Variants in CKMT2 observed in about 807,000 individuals in gnomAD.
The protein encoded by CKMT2 is creatine kinase, mitochondrial 2.
In CKMT2, 43 loss-of-function variants were observed where a neutral mutation model predicts 48.9. The observed-to-expected ratio is 0.88, with a 90% CI of 0.69 to 1.13. The LOEUF (loss-of-function observed/expected upper bound fraction) is 1.13. CKMT2 is among the 50% of genes most tolerant of loss of function. The pLI is 0.00. For missense variants in CKMT2, 472 were observed against 555.4 expected (o/e 0.85, Z 1.51); for synonymous variants, 206 against 213.0 (o/e 0.97, Z 0.29).
At chr5:81,263,331 T>C (rs2112828524) in intron 8 of CKMT2, among the ~76,000 whole-genome samples, 160 bp from the exon 9 acceptor site, 1 of 149,056 alleles carries the variant, frequency 6.7e-6, no homozygotes, top group African/African-American at 2.4e-5. Context: ...AGTTAATCTA[T>C]ATATTCAATA....
At chr5:81,243,313 G>A (rs1756498893) in intron 1 of CKMT2, among the ~76,000 whole-genome samples, 1 of 152,196 alleles carries the variant, frequency 6.6e-6, no homozygotes, top group Admixed American at 6.5e-5. Context: ...AGCTAGAAGG[G>A]AACAGATTTT....
chr5:81,251,422 C>T, intron 2 of CKMT2, 138 bp downstream of exon 2: 3 of 848,170 alleles, frequency 3.5e-6, no homozygotes, highest in Admixed American at 2.7e-5. Flanking sequence ...CCCATCTCTA[C>T]TAAAAATACA....
At chr5:81,260,220 G>C (rs542399741) in intron 8 of CKMT2, among the ~76,000 whole-genome samples, 19 of 152,300 alleles carry the variant, frequency 1.2e-4, no homozygotes, top group Non-Finnish European at 2.6e-4. Flanking sequence ...AGCTAAAGCA[G>C]TGTTTAGAGG....
chr5:81,248,873 TAG>T (rs1756701668), intron 1 of CKMT2, among the ~76,000 whole-genome samples: 1 of 152,186 alleles, frequency 6.6e-6, no homozygotes, highest in Admixed American at 6.5e-5. Context: ...TCAGGTTTAG[TAG>T]AGACTTCGAA....
chr5:81,254,679 T>C, intron 4 of CKMT2, 188 bp downstream of exon 4: 1 of 599,318 alleles, frequency 1.7e-6, no homozygotes, highest in Non-Finnish European at 2.9e-6. Context: ...CTGTTTTCTT[T>C]AATAAATACA....
In CKMT2 at chr5:81,255,133, G is replaced by A. The variant is rs866846855; in HGVS notation, c.588G>A (p.Leu196=). The change falls in exon 5 of 10, where the codon CTG becomes CTA. Residue 196 remains leucine (L), a synonymous_variant. Coordinates refer to ENST00000254035, the MANE Select transcript of CKMT2 (RefSeq NM_001099735.2). The stretch of plus-strand genomic sequence containing the variant: ...TAGAGAACGTGGCCATCACTGCCCT[G>A]GAGGGCCTCAAGGGGGACCTGGCTG... The part of the protein sequence containing the change: ...REVENVAITA[L]EGLKGDLAGR... The A allele has an allele frequency of 1.9e-6, 3 of 1,614,152 alleles. No homozygotes were observed. The highest frequency in any genetic ancestry group is 2.5e-6 in the Non-Finnish European group (3 of 1,180,032).
rs1342417191 is a variant in CKMT2 at position 81,247,197 on chromosome 5, G to A, written c.-20-3916G>A. On this transcript the variant is annotated intron_variant, in intron 1 of 9. Coordinates refer to ENST00000254035, the MANE Select transcript of CKMT2 (RefSeq NM_001099735.2). ...GTTCAGTACGTTATGATAATGCTCA[G>A]AACATGGAGGGAACTGAAAACGTTA... is the stretch of plus-strand genomic sequence containing the variant. Among the ~76,000 whole-genome samples the A allele has an allele frequency of 2.0e-5, 3 of 152,192 alleles. No homozygotes were observed. In the South Asian group the frequency reaches 6.2e-4, roughly 32 times the overall value.
intron 9 of CKMT2, among the ~76,000 whole-genome samples, chr5:81,265,243 C>A (rs988373541): frequency 1.3e-5 from 2 of 152,090 alleles, no homozygotes; most frequent in Non-Finnish European, 2.9e-5. Flanking sequence ...TGGAAGGGAT[C>A]AAAAGGATAA....
chr5:81,253,837 T>C (rs1319174997), intron 3 of CKMT2, among the ~76,000 whole-genome samples: 1 of 152,188 alleles, frequency 6.6e-6, no homozygotes, highest in Non-Finnish European at 1.5e-5. Flanking sequence ...TTAGAATAGA[T>C]TTTGCACGAG....
At chr5:81,258,596 T>G (rs1757097544) in intron 7 of CKMT2, among the ~76,000 whole-genome samples, 1 of 152,110 alleles carries the variant, frequency 6.6e-6, no homozygotes, top group Non-Finnish European at 1.5e-5. Flanking sequence ...CTGGTACAGG[T>G]CTGTGGCCTG....
intron 1 of CKMT2, among the ~76,000 whole-genome samples, chr5:81,235,274 G>T (rs934313517): frequency 9.2e-5 from 14 of 152,290 alleles, no homozygotes; most frequent in African/African-American, 3.4e-4. Context: ...GGTTGGCTGC[G>T]TACTAAGTGG....
intron 1 of CKMT2, among the ~76,000 whole-genome samples, chr5:81,236,811 ATG>A (rs1756258300): frequency 6.6e-6 from 1 of 152,220 alleles, no homozygotes; most frequent in East Asian, 1.9e-4. Flanking sequence ...ATCTGAAAGT[ATG>A]TGATAGACAC....
intron 7 of CKMT2, among the ~76,000 whole-genome samples, chr5:81,258,261 T>G (rs965073437): frequency 6.6e-6 from 1 of 152,168 alleles, no homozygotes; most frequent in Admixed American, 6.5e-5. Context: ...GAGTGCAACT[T>G]CCAAGGTAGT....
chr5:81,250,940 A>AACACACACACACACACACACACAC (rs142418532), intron 1 of CKMT2, among the ~76,000 whole-genome samples, 173 bp from the exon 2 acceptor site: 2,116 of 132,888 alleles, frequency 0.016, 52 homozygotes, highest in Middle Eastern at 0.031. Flanking sequence ...AGAAATAGAA[A>AACACACACACACACACACACACAC]ACACACACAC....
chr5:81,245,727 C>A (rs35646117), intron 1 of CKMT2, among the ~76,000 whole-genome samples: 1 of 152,154 alleles, frequency 6.6e-6, no homozygotes, highest in African/African-American at 2.4e-5. Context: ...AAAGCTGAGA[C>A]GGGGCAGCAG....
intron 8 of CKMT2, 35 bp from the exon 9 acceptor site, chr5:81,263,456 T>C (rs201913039): frequency 6.0e-6 from 9 of 1,509,942 alleles, no homozygotes; most frequent in Admixed American, 1.9e-5. Context: ...CAATTTTGCC[T>C]CTTAGCACAT....
At chr5:81,242,898 A>C (rs1756485206) in intron 1 of CKMT2, among the ~76,000 whole-genome samples, 1 of 152,250 alleles carries the variant, frequency 6.6e-6, no homozygotes, top group Non-Finnish European at 1.5e-5. Context: ...AAGCAATGCA[A>C]GGGAATAGGT....
rs114019045 is a variant in CKMT2, at chr5:81,244,083, G to A, written c.-20-7030G>A. Reference sequence around the variant, plus strand: ...CCCTTTGTCCCGTTTCACACTAAACGGGTTGGGGAGGAACCAGGGGAGATG... The same window carrying A: ...CCCTTTGTCCCGTTTCACACTAAACAGGTTGGGGAGGAACCAGGGGAGATG... On this transcript the variant is annotated intron_variant, in intron 1 of 9. Transcript: ENST00000254035. The A allele has an allele frequency of 2.9e-4, 281 of 985,410 alleles. 3 individuals carry two copies. The African/African-American group carries it at 3.8e-3, about 13-fold the overall frequency. 61.0% of individuals were successfully genotyped at this position (985,410 alleles called of 1,614,324 possible).
In CKMT2 at chr5:81,255,150, A is replaced by G. The variant is rs781600385; in HGVS notation, c.605A>G (p.Asp202Gly). 1 of 1,613,874 alleles carries G rather than the reference A, an allele frequency of 6.2e-7. No homozygotes were observed. Among genetic ancestry groups the G allele is most frequent in the African/African-American group, 1.3e-5 (1 of 74,902 alleles). The part of the protein sequence containing the change: ...AITALEGLKG[D>G]LAGRYYKLSE... ...ACTGCCCTGGAGGGCCTCAAGGGGGACCTGGCTGGCCGCTACTACAAGCTG... is the reference window on the plus strand; with the variant it reads ...ACTGCCCTGGAGGGCCTCAAGGGGGGCCTGGCTGGCCGCTACTACAAGCTG... The change falls in exon 5 of 10, where the codon GAC becomes GGC. Residue 202 changes from aspartate (D) to glycine (G), a missense_variant. Physicochemically the swap from Asp to Gly is moderately conservative, Grantham distance 94. Transcript: ENST00000254035.
Sources: gnomAD v4.1 joint callset for allele counts (sites outside exome capture counted in the v4.1 genomes callset) on GRCh38, gnomAD v4.1.1 for gene constraint, MANE v1.5 for transcripts, NCBI Gene and HGNC (gene_info 2026-07-23, HGNC 2026-07-21) for gene names.